The following KIF19 variants were observed in gnomAD, a reference collection of about 807,000 sequenced individuals.
KIF19 encodes the protein kinesin-like protein KIF19.
In KIF19, 98 loss-of-function variants were observed where a neutral mutation model predicts 106.6. The ratio of observed to expected loss-of-function variants is 0.92; its 90% CI spans 0.78 to 1.09. The LOEUF (loss-of-function observed/expected upper bound fraction) is 1.09, where lower values mean the gene tolerates loss of function less well. KIF19 is among the 50% of genes least tolerant of loss of function. KIF19 has a pLI of 0.00. For missense variants in KIF19, 1,373 were observed against 1,414.3 expected (o/e 0.97, Z 0.47); for synonymous variants, 516 against 584.2 (o/e 0.88, Z 1.68).
chr17:74,327,799 C>T (rs1015436131), intron 1 of KIF19, among the ~76,000 whole-genome samples: 4 of 152,330 alleles, frequency 2.6e-5, no homozygotes, highest in South Asian at 2.1e-4. Context: ...GCCAGAGGGC[C>T]GTTCATTCTA....
chr17:74,342,715 C>T lies in KIF19; in HGVS notation c.317C>T (p.Thr106Ile), dbSNP rs1290138646. The T allele has an allele frequency of 1.1e-5, 17 of 1,612,936 alleles. No individual in the cohort carries two copies. Among genetic ancestry groups the T allele is most frequent in the Non-Finnish European group, 1.4e-5 (16 of 1,179,236 alleles). Residue 106 changes from threonine to isoleucine, a missense_variant and splice_region_variant, in exon 4 of 20, where the codon ACA becomes ATA. Coordinates refer to ENST00000389916, the MANE Select transcript of KIF19 (RefSeq NM_153209.4). ...YNATVFAYGPTGCGKTYTMLG... is the reference protein window; with the variant it reads ...YNATVFAYGPIGCGKTYTMLG... ...GCCACTGTCTTTGCCTATGGCCCCA[C>T]AGGTAAGGGGAATGCCCAGACTGTG...
rs893637303 is a variant in KIF19, at chr17:74,355,215, C to T, written c.2900C>T (p.Pro967Leu). 2 of 1,612,106 alleles carry T rather than the reference C, an allele frequency of 1.2e-6. No homozygotes were observed. Among genetic ancestry groups the T allele is most frequent in the Non-Finnish European group, 1.7e-6 (2 of 1,179,232 alleles). Residue 967 changes from proline (P) to leucine (L), a missense_variant, in exon 20 of 20, where the codon CCC (proline) becomes CTC (leucine). Physicochemically the swap from Pro to Leu is moderately conservative, Grantham distance 98 (BLOSUM62 -3). Around this residue, in one of 3 missense-constraint regions of KIF19, gnomAD observed 1,020 missense variants for 1,008.2 expected, o/e 1.01. Transcript: ENST00000389916. ...PGDSSPLAVP[P>L]NPGGGSRRAT... ...GACTCCTCACCCCTGGCTGTTCCCC[C>T]CAACCCAGGTGGTGGTTCTCGACGG...
intron 2 of KIF19, among the ~76,000 whole-genome samples, chr17:74,329,690 A>G (rs1188293853): frequency 6.6e-6 from 1 of 151,882 alleles, no homozygotes; most frequent in Non-Finnish European, 1.5e-5. Context: ...CAAACCACAT[A>G]CTCTGTAGAC....
rs893969583 is a variant in KIF19, at chr17:74,331,471, T to C, written c.120+2966T>C. ...CTGGGGACACTTCAAATGAAGGAGATTGTGGCAACGAGGCTTGGCAGAAGG... is the reference window on the plus strand; with the variant it reads ...CTGGGGACACTTCAAATGAAGGAGACTGTGGCAACGAGGCTTGGCAGAAGG... On this transcript the variant is annotated intron_variant, in intron 2 of 19. Transcript: ENST00000389916. This position sits in a 1 kb window ranked among gnomAD's most constrained non-coding sequence, Gnocchi z 4.1. 2.0e-5 allele frequency among the ~76,000 whole-genome samples: 3 copies of C among 151,964 alleles called. No individual in the cohort carries two copies. Among genetic ancestry groups the C allele is most frequent in the East Asian group, 1.9e-4 (1 of 5,182 alleles).
chr17:74,352,726 A>AC lies in KIF19; in HGVS notation c.1981-94dup, dbSNP rs1196560257. The AC allele has an allele frequency of 5.4e-6, 8 of 1,490,364 alleles. No homozygotes were observed. The Admixed American group carries it at 1.2e-4, about 23-fold the overall frequency. The allele number at this position is 1,490,364 out of a possible 1,614,324, so 92.3% of individuals were successfully genotyped here. On this transcript the variant is annotated intron_variant, in intron 14 of 19. Transcript: ENST00000389916. ...CCTTCTGGGGCTCCCAGGCCATCTT[A>AC]CAGCCCTTGTCACCCTGTAAGCCTT...
At position 74,344,309 on chromosome 17, in the gene KIF19, G is replaced by A; in HGVS notation, c.543G>A (p.Val181=). 1 of 1,612,864 alleles carries A rather than the reference G, an allele frequency of 6.2e-7. No homozygotes were observed. Among genetic ancestry groups the A allele is most frequent in the Non-Finnish European group, 8.5e-7 (1 of 1,179,782 alleles). The change falls in exon 6 of 20, where the codon GTG becomes GTA. Residue 181 remains valine, a synonymous_variant. Coordinates refer to ENST00000389916, the MANE Select transcript of KIF19 (RefSeq NM_153209.4). ...AGGACTCTAAGGGGGTGATCCAGGT[G>A]GCCGGCATCACCGAAGTCTCCACCA... ...LREDSKGVIQ[V]AGITEVSTIN...
intron 2 of KIF19, among the ~76,000 whole-genome samples, chr17:74,337,763 C>G (rs2054258405): frequency 6.6e-6 from 1 of 152,226 alleles, no homozygotes; most frequent in African/African-American, 2.4e-5. Flanking sequence ...TGAGACCTTG[C>G]TCAGCAAGCG....
chr17:74,342,051 G>A, intron 3 of KIF19, 65 bp downstream of exon 3: 1 of 1,283,316 alleles, frequency 7.8e-7, no homozygotes, highest in Non-Finnish European at 1.1e-6. Flanking sequence ...CCACTCAGGA[G>A]GGGCCCTCCA....
At chr17:74,339,203 C>T (rs2054292628) in intron 2 of KIF19, among the ~76,000 whole-genome samples, 1 of 152,050 alleles carries the variant, frequency 6.6e-6, no homozygotes, top group African/African-American at 2.4e-5. Flanking sequence ...CACAAGGCCC[C>T]TCGTGGGAGT....
chr17:74,351,054 A>T, intron 12 of KIF19, 149 bp downstream of exon 12: 1 of 745,176 alleles, frequency 1.3e-6, no homozygotes, highest in Non-Finnish European at 2.3e-6. Context: ...AAGCTCTTTA[A>T]CTTCTCTATG....
In KIF19 at chr17:74,354,385, C is replaced by A; in HGVS notation, c.2532C>A (p.Asp844Glu). 6.2e-7 allele frequency: 1 copy of A among 1,609,906 alleles called. No homozygotes were observed. The highest frequency in any genetic ancestry group is 1.7e-5 in the Admixed American group (1 of 59,708). The change falls in exon 18 of 20, where the codon GAC (aspartate) becomes GAA (glutamate). Residue 844 changes from aspartate to glutamate, a missense_variant. Physicochemically the swap from Asp to Glu is conservative, Grantham distance 45. Transcript: ENST00000389916. ...CACTACAGCATGCTGCCAGTGAGGA[C>A]AACCTGTCCAGCAGCACGGGCGAGG... is the stretch of plus-strand genomic sequence containing the variant. Reference protein sequence around the residue: ...SPTLQHAASEDNLSSSTGEAP... With the variant: ...SPTLQHAASEENLSSSTGEAP...
chr17:74,335,290 A>G (rs1274855704), intron 2 of KIF19, among the ~76,000 whole-genome samples: 3 of 152,242 alleles, frequency 2.0e-5, no homozygotes, highest in Non-Finnish European at 4.4e-5. Context: ...CAAAATGTCA[A>G]CAGTGCCAAG....
Position 74,355,455 on chromosome 17 carries a change from A to C in KIF19, c.*143A>C. On this transcript the variant is annotated 3_prime_UTR_variant, in exon 20 of 20. Transcript: ENST00000389916. ...AGGCCAGGGCTCCTGAGACCCAGGAACTGGGGTCTCTGCCCAACCCTCCCA... is the reference window on the plus strand; with the variant it reads ...AGGCCAGGGCTCCTGAGACCCAGGACCTGGGGTCTCTGCCCAACCCTCCCA... 1.8e-6 allele frequency: 2 copies of C among 1,088,912 alleles called. No individual in the cohort carries two copies. The highest frequency in any genetic ancestry group is 2.5e-6 in the Non-Finnish European group (2 of 790,620). The allele number at this position is 1,088,912 out of a possible 1,614,324, so 67.5% of individuals were successfully genotyped here. A position where few individuals can be genotyped will look rare whatever the true frequency, so the allele number is the denominator to read the frequency against.
At chr17:74,327,233 G>A (rs934189962) in intron 1 of KIF19, among the ~76,000 whole-genome samples, 8 of 152,188 alleles carry the variant, frequency 5.3e-5, no homozygotes, top group African/African-American at 1.9e-4. Flanking sequence ...TACCTCTCAA[G>A]GGTGGGCTTG....
In KIF19 at chr17:74,347,983, C is replaced by T. The variant is rs921629410; in HGVS notation, c.1047+84C>T. The T allele has an allele frequency of 3.4e-6, 5 of 1,470,582 alleles. No individual in the cohort carries two copies. In the Middle Eastern group the frequency reaches 7.1e-4, roughly 209 times the overall value. 91.1% of individuals were successfully genotyped at this position (1,470,582 alleles called of 1,614,324 possible). ...CGGGCTGATCCCTGCCACCCCACTG[C>T]ACTCTCTGGAACCAGCCACTGCTGC... On this transcript the variant is annotated intron_variant, in intron 9 of 19. Transcript: ENST00000389916.
chr17:74,333,843 TTTTTTTTTTC>T (rs1182336261), intron 2 of KIF19, among the ~76,000 whole-genome samples: 3 of 108,230 alleles, frequency 2.8e-5, no homozygotes, highest in Non-Finnish European at 5.7e-5. Context: ...ACTTCACTCC[TTTTTTTTTTC>T]TTTTTTTTTC....
intron 1 of KIF19, 112 bp downstream of exon 1, chr17:74,326,500 G>A: frequency 9.8e-7 from 1 of 1,021,728 alleles, no homozygotes; most frequent in Non-Finnish European, 1.5e-6. Flanking sequence ...GACAGGCAAC[G>A]ACCAGGGCCG....
At chr17:74,340,963 C>T (rs2054356481) in intron 2 of KIF19, among the ~76,000 whole-genome samples, 1 of 152,306 alleles carries the variant, frequency 6.6e-6, no homozygotes, top group Non-Finnish European at 1.5e-5. Context: ...GGGTGTGACT[C>T]CTTTGGACCC....
chr17:74,347,524 G>A (rs1376443036), intron 8 of KIF19, among the ~76,000 whole-genome samples: 3 of 145,222 alleles, frequency 2.1e-5, no homozygotes, highest in South Asian at 2.2e-4. Flanking sequence ...ATGACAGATC[G>A]AGACCCTGTC....
Sources: allele counts gnomAD v4.1 joint callset (sites outside exome capture counted in the v4.1 genomes callset), GRCh38; gene constraint gnomAD v4.1.1; regional missense constraint gnomAD v4.1.1; non-coding constraint Gnocchi (gnomAD v3.1); transcripts MANE v1.5; gene names NCBI Gene and HGNC (gene_info 2026-07-23, HGNC 2026-07-21).